Variants in DICER1 observed in about 807,000 individuals in gnomAD.
DICER1 encodes the protein endoribonuclease Dicer.
Under a neutral mutation model 194.1 loss-of-function variants are expected in DICER1, and 43 were observed. That is an observed-to-expected ratio of 0.22 (90% confidence interval 0.17 to 0.29). DICER1 has a LOEUF of 0.29. Ranked by LOEUF, DICER1 falls within the 10% of genes least tolerant of loss-of-function variation. The pLI, the probability that DICER1 is intolerant of heterozygous loss-of-function variation, is 1.00. For missense variants in DICER1, 1,608 were observed against 2,317.0 expected (o/e 0.69, Z 6.28); for synonymous variants, 832 against 820.5 (o/e 1.01, Z -0.24).
intron 1 of DICER1, among the ~76,000 whole-genome samples, chr14:95,147,466 G>A (rs902038030): frequency 5.9e-5 from 9 of 152,062 alleles, no homozygotes; most frequent in Admixed American, 4.6e-4. Context: ...ATGAATTAAT[G>A]AGTAAAAACC....
intron 11 of DICER1, among the ~76,000 whole-genome samples, chr14:95,115,444 T>C (rs1157480572): frequency 6.6e-6 from 1 of 152,222 alleles, no homozygotes; most frequent in African/African-American, 2.4e-5. Context: ...CTTCATTATG[T>C]TAGCCTTGCC....
In DICER1 at chr14:95,089,355, T is replaced by C. The variant is rs1314494502; in HGVS notation, c.*1143A>G. The C allele has an allele frequency of 4.3e-6, 1 of 232,992 alleles. No homozygotes were observed. The highest frequency in any genetic ancestry group is 2.2e-5 in the African/African-American group (1 of 45,346). 14.4% of individuals were successfully genotyped at this position (232,992 alleles called of 1,614,324 possible). A position where few individuals can be genotyped will look rare whatever the true frequency, so the allele number is the denominator to read the frequency against. On this transcript the variant is annotated 3_prime_UTR_variant, in exon 27 of 27. Coordinates refer to ENST00000343455, the MANE Select transcript of DICER1 (RefSeq NM_177438.3). The stretch of plus-strand genomic sequence containing the variant: ...ACAGCTTTGGTAGGTGAAATATGCA[T>C]GCAACATTATGAAAAGTATAGTAAG...
chr14:95,136,618 C>T (rs1054814510), intron 1 of DICER1: 3 of 152,206 alleles, frequency 2.0e-5, no homozygotes, highest in African/African-American at 7.2e-5. Flanking sequence ...GGGCATACAA[C>T]TTACCCCTGG....
chr14:95,130,532 T>A (rs190249623), intron 4 of DICER1, among the ~76,000 whole-genome samples: 27 of 152,360 alleles, frequency 1.8e-4, no homozygotes, highest in Non-Finnish European at 3.4e-4. Context: ...ACACTTTTTA[T>A]TTTTTTCTGT....
intron 1 of DICER1, among the ~76,000 whole-genome samples, chr14:95,152,982 C>A (rs774849594): frequency 6.6e-6 from 1 of 151,878 alleles, no homozygotes; most frequent in Non-Finnish European, 1.5e-5. Context: ...TTTGGGAGGC[C>A]GAGACGGGAG....
rs748819990 is a variant in DICER1, at chr14:95,133,330, C to T, written c.129G>A (p.Thr43=). Residue 43 remains threonine, a synonymous_variant, in exon 2 of 27, where the codon ACG becomes ACA. Transcript: ENST00000343455. The part of the protein sequence containing the change: ...QQEAIHDNIY[T]PRKYQVELLE... The stretch of plus-strand genomic sequence containing the variant: ...GCATTAGTACCTGATATTTTCTTGG[C>T]GTATAAATGTTATCATGAATTGCTT... 1.9e-6 allele frequency: 3 copies of T among 1,614,000 alleles called. No individual in the cohort carries two copies. The highest frequency in any genetic ancestry group is 1.7e-4 in the Middle Eastern group (1 of 6,044).
At chr14:95,134,677 A>G (rs1472868707) in intron 1 of DICER1, among the ~76,000 whole-genome samples, 1 of 152,202 alleles carries the variant, frequency 6.6e-6, no homozygotes, top group Non-Finnish European at 1.5e-5. Flanking sequence ...AATTCTGTTG[A>G]CAAGAATTCA....
intron 8 of DICER1, among the ~76,000 whole-genome samples, chr14:95,120,924 G>A (rs1434383348): frequency 6.6e-6 from 1 of 152,158 alleles, no homozygotes; most frequent in Non-Finnish European, 1.5e-5. Context: ...TCCAAATAGA[G>A]TAAGAAAAGG....
intron 1 of DICER1, among the ~76,000 whole-genome samples, chr14:95,144,310 CT>C (rs199571984): frequency 2.0e-5 from 3 of 149,246 alleles, no homozygotes; most frequent in Admixed American, 6.7e-5. Flanking sequence ...GAAGCAGCCT[CT>C]TTTTTTTTTC....
intron 1 of DICER1, among the ~76,000 whole-genome samples, chr14:95,152,032 T>A (rs1472861911): frequency 1.3e-5 from 2 of 152,252 alleles, no homozygotes; most frequent in Non-Finnish European, 2.9e-5. Context: ...AACCGGTTTG[T>A]TTTCTTAAAA....
At chr14:95,114,307 C>A (rs1479191138) in intron 11 of DICER1, among the ~76,000 whole-genome samples, 1 of 152,114 alleles carries the variant, frequency 6.6e-6, no homozygotes, top group Admixed American at 6.5e-5. Flanking sequence ...GACAAAGAAA[C>A]CAGCTTTAAG....
In DICER1 at chr14:95,117,618, T is replaced by A; in HGVS notation, c.1509+4A>T. On this transcript the variant is annotated splice_donor_region_variant and intron_variant, in intron 9 of 26. Transcript: ENST00000343455. Reference sequence around the variant, plus strand: ...TATTGTACACTTATTTTGATTTAAGTTACCTCTTCCTGTTTTCTGAATTCT... The same window carrying A: ...TATTGTACACTTATTTTGATTTAAGATACCTCTTCCTGTTTTCTGAATTCT... 6.2e-7 allele frequency: 1 copy of A among 1,614,004 alleles called. No homozygotes were observed. The highest frequency in any genetic ancestry group is 1.7e-4 in the Middle Eastern group (1 of 6,060).
At chr14:95,101,365 T>A (rs1174532863) in intron 21 of DICER1, among the ~76,000 whole-genome samples, 1 of 152,108 alleles carries the variant, frequency 6.6e-6, no homozygotes, top group Non-Finnish European at 1.5e-5. Context: ...TAATAGAAAG[T>A]CACCTCTGTC....
At chr14:95,118,632 T>C (rs915281771) in intron 8 of DICER1, among the ~76,000 whole-genome samples, 1 of 152,196 alleles carries the variant, frequency 6.6e-6, no homozygotes, top group African/African-American at 2.4e-5. Context: ...GGTTAACAGT[T>C]AGTGCTGCCA....
chr14:95,102,147 GT>G (rs1462999993), intron 21 of DICER1, among the ~76,000 whole-genome samples: 1 of 152,142 alleles, frequency 6.6e-6, no homozygotes, highest in Non-Finnish European at 1.5e-5. Context: ...TTTTAGAGTA[GT>G]GCAGAGTAAG....
chr14:95,115,257 C>T (rs1282164048), intron 11 of DICER1, among the ~76,000 whole-genome samples: 2 of 152,118 alleles, frequency 1.3e-5, no homozygotes, highest in Admixed American at 1.3e-4. Flanking sequence ...ATTATCAGCT[C>T]TGGACAAAGT....
chr14:95,097,722 T>C (rs1000916873), intron 22 of DICER1, among the ~76,000 whole-genome samples: 4 of 152,234 alleles, frequency 2.6e-5, no homozygotes, highest in African/African-American at 9.6e-5. Flanking sequence ...AGTTGCAACC[T>C]TCAAGCATTT....
intron 1 of DICER1, among the ~76,000 whole-genome samples, chr14:95,153,377 A>T (rs1040663764): frequency 1.1e-4 from 16 of 152,214 alleles, no homozygotes; most frequent in Non-Finnish European, 2.4e-4. Context: ...GAAATTAATG[A>T]ATCAAACCAC....
In DICER1 at chr14:95,088,967, CCT is replaced by C. The variant is rs1566741938; in HGVS notation, c.*1529_*1530del. The C allele has an allele frequency of 4.3e-6, 1 of 233,382 alleles. No individual in the cohort carries two copies. Among genetic ancestry groups the C allele is most frequent in the Admixed American group, 5.6e-5 (1 of 17,768 alleles). The allele number at this position is 233,382 out of a possible 1,614,324, so 14.5% of individuals were successfully genotyped here. A position where few individuals can be genotyped will look rare whatever the true frequency, so the allele number is the denominator to read the frequency against. ...AATTAACGGGGCAAATTGCAGCAAA[CCT>C]CTACTGGTATGTTGATGGGAGTGCA... On this transcript the variant is annotated 3_prime_UTR_variant, in exon 27 of 27. Coordinates refer to ENST00000343455, the MANE Select transcript of DICER1 (RefSeq NM_177438.3).
Sources: gnomAD v4.1 joint callset for allele counts (sites outside exome capture counted in the v4.1 genomes callset) on GRCh38, gnomAD v4.1.1 for gene constraint, MANE v1.5 for transcripts, NCBI Gene and HGNC (gene_info 2026-07-23, HGNC 2026-07-21) for gene names.